The following IFT88 variants were observed in gnomAD, a reference collection of about 807,000 sequenced individuals.
IFT88 encodes the protein intraflagellar transport protein 88 homolog.
Under a neutral mutation model 119.5 loss-of-function variants are expected in IFT88, and 74 were observed. The observed-to-expected ratio is 0.62, with a 90% CI of 0.51 to 0.75. The LOEUF is 0.75. Among genes scored for constraint, IFT88 ranks in the 30% least tolerant of loss-of-function variants. The pLI, the probability that IFT88 is intolerant of heterozygous loss-of-function variation, is 0.00. For synonymous variants in IFT88, 279 were observed against 316.7 expected, an observed-to-expected ratio of 0.88 and a Z score of 1.26; for missense variants, 961 against 977.7, an observed-to-expected ratio of 0.98 and a Z score of 0.23.
At chr13:20,663,917 G>A (rs2054222266) in intron 23 of IFT88, among the ~76,000 whole-genome samples, 1 of 152,164 alleles carries the variant, frequency 6.6e-6, no homozygotes, top group South Asian at 2.1e-4. Flanking sequence ...TAATTGGAAA[G>A]TCCTGTGGAC....
chr13:20,678,243 T>G (rs4769126), intron 24 of IFT88, among the ~76,000 whole-genome samples: 3 of 152,204 alleles, frequency 2.0e-5, no homozygotes, highest in South Asian at 4.1e-4. Context: ...AAACAATGCA[T>G]ACTTGCCAAG....
At chr13:20,657,609 T>C (rs2053051360) in intron 22 of IFT88, among the ~76,000 whole-genome samples, 1 of 152,096 alleles carries the variant, frequency 6.6e-6, no homozygotes, top group South Asian at 2.1e-4. Context: ...AATAAAATAA[T>C]ATGCTGGAAA....
At chr13:20,628,263 G>T (rs1027347434) in intron 15 of IFT88, among the ~76,000 whole-genome samples, 1 of 151,970 alleles carries the variant, frequency 6.6e-6, no homozygotes, top group Non-Finnish European at 1.5e-5. Context: ...GATAATGATG[G>T]TGTTTGTAGC....
At chr13:20,606,240 G>A (rs1048432781) in intron 13 of IFT88, among the ~76,000 whole-genome samples, 1 of 152,142 alleles carries the variant, frequency 6.6e-6, no homozygotes, top group Non-Finnish European at 1.5e-5. Flanking sequence ...CAGCAGTACT[G>A]AAGCATCCCC....
intron 9 of IFT88, among the ~76,000 whole-genome samples, chr13:20,597,631 C>T (rs1379306579): frequency 1.3e-5 from 2 of 151,702 alleles, no homozygotes; most frequent in Non-Finnish European, 1.5e-5. Flanking sequence ...GTAGTCCCAG[C>T]TACTTGGGAG....
intron 24 of IFT88, among the ~76,000 whole-genome samples, chr13:20,687,899 G>A (rs1333957481): frequency 6.6e-6 from 1 of 152,166 alleles, no homozygotes; most frequent in Non-Finnish European, 1.5e-5. Context: ...TCATGATTGA[G>A]AACCTCAGAT....
At chr13:20,617,005 G>A (rs772057835) in intron 14 of IFT88, among the ~76,000 whole-genome samples, 21 of 151,842 alleles carry the variant, frequency 1.4e-4, no homozygotes, top group Non-Finnish European at 2.5e-4. Flanking sequence ...GTGCAGTGGC[G>A]CAATCTCGGC....
At chr13:20,618,933 T>G (rs573428473) in intron 14 of IFT88, among the ~76,000 whole-genome samples, 86 of 151,394 alleles carry the variant, frequency 5.7e-4, no homozygotes, top group Middle Eastern at 3.4e-3. Flanking sequence ...CTCGGCTCAC[T>G]ACAAGCTCCA....
intron 22 of IFT88, among the ~76,000 whole-genome samples, chr13:20,656,825 TA>T (rs2052887104): frequency 6.6e-6 from 1 of 152,216 alleles, no homozygotes; most frequent in African/African-American, 2.4e-5. Context: ...TTAGGGTTTA[TA>T]AAAACTGAAC....
intron 23 of IFT88, 40 bp from the exon 24 acceptor site, chr13:20,670,933 T>C (rs897536723): frequency 6.4e-7 from 1 of 1,562,590 alleles, no homozygotes; most frequent in South Asian, 1.1e-5. Flanking sequence ...TTTGAAGGAA[T>C]AGCACTTATT....
intron 16 of IFT88, among the ~76,000 whole-genome samples, 160 bp from the exon 17 acceptor site, chr13:20,638,172 A>T (rs1193029807): frequency 1.3e-5 from 2 of 151,694 alleles, no homozygotes; most frequent in African/African-American, 4.8e-5. Flanking sequence ...GATAAGTAAA[A>T]CTCTATGTAG....
intron 16 of IFT88, among the ~76,000 whole-genome samples, chr13:20,632,622 C>T (rs1246590157): frequency 6.6e-6 from 1 of 152,152 alleles, no homozygotes; most frequent in Non-Finnish European, 1.5e-5. Flanking sequence ...CTGTCCTGAC[C>T]CAACTGAAAT....
At chr13:20,579,995 C>T (rs963318991) in intron 2 of IFT88, among the ~76,000 whole-genome samples, 2 of 152,164 alleles carry the variant, frequency 1.3e-5, no homozygotes, top group African/African-American at 4.8e-5. Flanking sequence ...AACTAGTAAT[C>T]CCATCACTCA....
At chr13:20,679,610 CAA>C (rs1424817546) in intron 24 of IFT88, among the ~76,000 whole-genome samples, 4 of 152,084 alleles carry the variant, frequency 2.6e-5, no homozygotes, top group African/African-American at 4.8e-5. Context: ...ATATTCTTGA[CAA>C]GTCATATGAT....
At chr13:20,576,221 G>T (rs35943294) in intron 2 of IFT88, among the ~76,000 whole-genome samples, 59,689 of 151,762 alleles carry the variant, frequency 0.39, 13,627 homozygotes, top group Non-Finnish European at 0.52. Context: ...CAGATTATTA[G>T]ATTTTTTCCT....
chr13:20,626,403 G>T (rs2139987293), intron 15 of IFT88, among the ~76,000 whole-genome samples: 1 of 152,200 alleles, frequency 6.6e-6, no homozygotes, highest in African/African-American at 2.4e-5. Context: ...TAGCATGGTT[G>T]CTAAATTATA....
At chr13:20,601,092 A>G (rs2042521338) in intron 11 of IFT88, among the ~76,000 whole-genome samples, 1 of 152,186 alleles carries the variant, frequency 6.6e-6, no homozygotes, top group Non-Finnish European at 1.5e-5. Flanking sequence ...TGGGCCGGGC[A>G]CGGTGCCTCA....
chr13:20,610,329 T>C (rs939174008), intron 13 of IFT88, among the ~76,000 whole-genome samples: 24 of 152,216 alleles, frequency 1.6e-4, no homozygotes, highest in African/African-American at 5.5e-4. Context: ...ACAATTGCTG[T>C]GTAAAACGGG....
intron 24 of IFT88, among the ~76,000 whole-genome samples, chr13:20,684,486 A>G (rs1325998913): frequency 6.6e-6 from 1 of 152,188 alleles, no homozygotes; most frequent in Non-Finnish European, 1.5e-5. Flanking sequence ...TCATCTATAT[A>G]GAAAGGCTCC....
Sources: allele counts gnomAD v4.1 joint callset (sites outside exome capture counted in the v4.1 genomes callset), GRCh38; gene constraint gnomAD v4.1.1; transcripts MANE v1.5; gene names NCBI Gene and HGNC (gene_info 2026-07-23, HGNC 2026-07-21).